RPS6KA2: variants seen among roughly 807,000 people sequenced by gnomAD.
RPS6KA2 encodes ribosomal protein S6 kinase A2.
A neutral mutation model predicts 91.8 loss-of-function variants in RPS6KA2; 42 were observed. That is an observed-to-expected ratio of 0.46 (90% CI 0.36 to 0.59). The LOEUF is 0.59. RPS6KA2 is among the 20% of genes least tolerant of loss of function. RPS6KA2 has a pLI of 0.00. For synonymous variants in RPS6KA2, 414 were observed against 393.6 expected (o/e 1.05, Z -0.61); for missense variants, 798 against 978.5 (o/e 0.82, Z 2.46).
intron 2 of RPS6KA2, among the ~76,000 whole-genome samples, chr6:166,680,175 C>T (rs1384429898): frequency 6.6e-6 from 1 of 151,786 alleles, no homozygotes; most frequent in African/African-American, 2.4e-5. Context: ...CTGTGTCTAG[C>T]TAATCTGGTG....
intron 2 of RPS6KA2, among the ~76,000 whole-genome samples, chr6:166,681,655 C>T (rs1327777069): frequency 6.7e-6 from 1 of 149,762 alleles, no homozygotes; most frequent in Non-Finnish European, 1.5e-5. Flanking sequence ...TTCCAGCTCA[C>T]AGGACCAGGC....
chr6:166,703,719 G>A (rs375058061), intron 2 of RPS6KA2, among the ~76,000 whole-genome samples: 146 of 152,324 alleles, frequency 9.6e-4, no homozygotes, highest in African/African-American at 3.4e-3. Context: ...ACGGAAGCAG[G>A]ATTTTGTTTA....
intron 8 of RPS6KA2, 29 bp downstream of exon 8, chr6:166,498,478 TG>T: frequency 1.3e-6 from 2 of 1,583,926 alleles, no homozygotes; most frequent in Non-Finnish European, 1.7e-6. Context: ...ACAGCCGCCA[TG>T]GCACAGAAGA....
intron 3 of RPS6KA2, among the ~76,000 whole-genome samples, chr6:166,511,626 G>C (rs1395919937): frequency 6.6e-6 from 1 of 152,174 alleles, no homozygotes; most frequent in East Asian, 1.9e-4. Context: ...CCCCATGAGC[G>C]ATGGGAGAAA....
chr6:166,497,691 G>A (rs1202592785), intron 8 of RPS6KA2, among the ~76,000 whole-genome samples: 2 of 152,234 alleles, frequency 1.3e-5, no homozygotes, highest in Admixed American at 6.5e-5. Flanking sequence ...GCAAGGGGAC[G>A]AGGAGTAGGG....
chr6:166,655,582 T>A (rs925268940), intron 2 of RPS6KA2, among the ~76,000 whole-genome samples: 1 of 152,202 alleles, frequency 6.6e-6, no homozygotes, highest in Non-Finnish European at 1.5e-5. Context: ...GGCGGGTAAC[T>A]GAAGACCAGG....
intron 2 of RPS6KA2, among the ~76,000 whole-genome samples, chr6:166,734,440 G>A (rs376930312): frequency 1.3e-5 from 2 of 152,174 alleles, no homozygotes; most frequent in Non-Finnish European, 1.5e-5. Flanking sequence ...GGAAATAAAC[G>A]TAAGCTATCA....
intron 2 of RPS6KA2, among the ~76,000 whole-genome samples, chr6:166,739,477 C>T (rs1202431736): frequency 6.6e-6 from 1 of 152,176 alleles, no homozygotes; most frequent in African/African-American, 2.4e-5. Context: ...CTCTAAAATC[C>T]GGGCCCTGGC....
intron 2 of RPS6KA2, among the ~76,000 whole-genome samples, chr6:166,763,932 C>G (rs1390515733): frequency 1.3e-5 from 2 of 152,220 alleles, no homozygotes; most frequent in Non-Finnish European, 2.9e-5. Flanking sequence ...TTGTCTATGT[C>G]CGTCACCAAA....
intron 1 of RPS6KA2, among the ~76,000 whole-genome samples, chr6:166,592,725 C>T (rs945633777): frequency 6.6e-6 from 1 of 152,158 alleles, no homozygotes; most frequent in Admixed American, 6.5e-5. Flanking sequence ...CCTACCTGCC[C>T]ACCTGCGGTC....
intron 2 of RPS6KA2, among the ~76,000 whole-genome samples, chr6:166,722,963 T>C (rs552290206): frequency 1.2e-4 from 18 of 152,342 alleles, no homozygotes; most frequent in African/African-American, 4.1e-4. Context: ...GGTCTGTCTG[T>C]GCCTACACTT....
chr6:166,763,914 G>A (rs1162174369), intron 2 of RPS6KA2, among the ~76,000 whole-genome samples: 1 of 152,224 alleles, frequency 6.6e-6, no homozygotes, highest in Non-Finnish European at 1.5e-5. Context: ...ATGACGGCAC[G>A]GCCGGCCTTG....
chr6:166,571,088 C>A (rs1030174427), intron 1 of RPS6KA2, among the ~76,000 whole-genome samples: 2 of 152,196 alleles, frequency 1.3e-5, no homozygotes, highest in Admixed American at 6.5e-5. Context: ...CACAACAGTG[C>A]GGTGAGGACG....
chr6:166,575,465 G>T (rs1387897775), intron 1 of RPS6KA2, among the ~76,000 whole-genome samples: 1 of 152,162 alleles, frequency 6.6e-6, no homozygotes, highest in Admixed American at 6.5e-5. Context: ...TGTTTATCGT[G>T]TGAGGCTTTC....
At chr6:166,517,114 A>T (rs774776275) in intron 3 of RPS6KA2, among the ~76,000 whole-genome samples, 34 of 152,278 alleles carry the variant, frequency 2.2e-4, no homozygotes, top group Non-Finnish European at 4.1e-4. Context: ...TAAAAAAAAA[A>T]ATAGGTCTCC....
intron 2 of RPS6KA2, among the ~76,000 whole-genome samples, chr6:166,824,276 T>C (rs776756273): frequency 2.6e-5 from 4 of 152,106 alleles, no homozygotes; most frequent in Non-Finnish European, 5.9e-5. Flanking sequence ...GAGATAGAGA[T>C]GTGGTATGGA....
chr6:166,423,744 C>A lies in RPS6KA2; in HGVS notation c.1582-327G>T. On this transcript the variant is annotated intron_variant, in intron 16 of 20. Transcript: ENST00000265678. This position sits in a 1 kb window ranked among gnomAD's most constrained non-coding sequence, Gnocchi z 4.8. ...GTCACATAAAAGGAAATGTGGTGAG[C>A]TCTGGAGATAGGAATGAAAAGCATT... 4.2e-6 allele frequency: 1 copy of A among 237,184 alleles called. No homozygotes were observed. The highest frequency in any genetic ancestry group is 8.2e-6 in the Non-Finnish European group (1 of 122,634). 14.7% of individuals were successfully genotyped at this position (237,184 alleles called of 1,614,324 possible).
rs1780203915 is a variant in RPS6KA2, at chr6:166,459,489, G to A, written c.1035C>T (p.Thr345=). The stretch of plus-strand genomic sequence containing the variant: ...CTGTGAACTCGGGGTCAAAGTGGAA[G>A]GTGTCCTCAGGCCTGCCCACTGCTG... ...FKPAVGRPED[T]FHFDPEFTAR... is the part of the protein sequence containing the mutation. The change falls in exon 12 of 21, where the codon ACC becomes ACT. Residue 345 remains threonine, a synonymous_variant. Coordinates refer to ENST00000265678, the MANE Select transcript of RPS6KA2 (RefSeq NM_021135.6). The surrounding 1 kb of genome is among the most constrained non-coding windows in gnomAD (Gnocchi z 4.9). The A allele has an allele frequency of 6.2e-7, 1 of 1,613,998 alleles. No individual in the cohort carries two copies.
At chr6:166,578,205 C>T (rs1336649212) in intron 1 of RPS6KA2, among the ~76,000 whole-genome samples, 1 of 152,180 alleles carries the variant, frequency 6.6e-6, no homozygotes, top group Admixed American at 6.5e-5. Flanking sequence ...TCCTGACCCT[C>T]AAGATGCTGG....
Sources: allele counts gnomAD v4.1 joint callset (sites outside exome capture counted in the v4.1 genomes callset), GRCh38; gene constraint gnomAD v4.1.1; non-coding constraint Gnocchi (gnomAD v3.1); transcripts MANE v1.5; gene names NCBI Gene and HGNC (gene_info 2026-07-23, HGNC 2026-07-21).